The following C2orf76 variants were observed in gnomAD, a reference collection of about 807,000 sequenced individuals.
The protein encoded by C2orf76 is UPF0538 protein C2orf76.
A neutral mutation model predicts 16.9 loss-of-function variants in C2orf76; 23 were observed. That is an observed-to-expected ratio of 1.36 (90% CI 0.98 to 1.93). C2orf76 has a LOEUF of 1.93. C2orf76 is among the 30% of genes most tolerant of loss of function. C2orf76 has a pLI of 0.00. For synonymous variants in C2orf76, 48 were observed against 52.3 expected (o/e 0.92, Z 0.35); for missense variants, 152 against 152.6 (o/e 1.00, Z 0.02).
chr2:119,352,894 T>C (rs1680448349), intron 1 of C2orf76, among the ~76,000 whole-genome samples: 1 of 152,184 alleles, frequency 6.6e-6, no homozygotes, highest in South Asian at 2.1e-4. Context: ...CCTCAAGATT[T>C]AGGAACCAGT....
chr2:119,350,964 G>A (rs1388330018), intron 1 of C2orf76, among the ~76,000 whole-genome samples: 5 of 152,132 alleles, frequency 3.3e-5, no homozygotes, highest in Non-Finnish European at 5.9e-5. Context: ...ATGTTACACT[G>A]ATCTCTGTCA....
chr2:119,366,844 T>C, upstream of C2orf76: 2 of 644,398 alleles, frequency 3.1e-6, no homozygotes, highest in South Asian at 2.0e-5. Flanking sequence ...CGGTCCCACG[T>C]GGGCTCGGGC....
chr2:119,284,303 C>T, the C2orf76 span, among the ~76,000 whole-genome samples: 1 of 152,146 alleles, frequency 6.6e-6, no homozygotes, highest in Admixed American at 6.5e-5. Context: ...GGCCGACACC[C>T]CAATATTCAA....
chr2:119,308,893 T>C (rs1319389993), intron 5 of C2orf76, among the ~76,000 whole-genome samples: 2 of 152,204 alleles, frequency 1.3e-5, no homozygotes, highest in Non-Finnish European at 2.9e-5. Context: ...CAAGGTCATA[T>C]TCATTCCCGA....
intron 4 of C2orf76, among the ~76,000 whole-genome samples, chr2:119,313,883 G>A (rs879290270): frequency 3.3e-5 from 5 of 152,048 alleles, no homozygotes; most frequent in Non-Finnish European, 7.4e-5. Context: ...ATTTTTTAAT[G>A]GAATTGTAGG....
At chr2:119,362,178 A>T (rs1378094349) in intron 1 of C2orf76, among the ~76,000 whole-genome samples, 1 of 152,236 alleles carries the variant, frequency 6.6e-6, no homozygotes, top group African/African-American at 2.4e-5. Flanking sequence ...TTGTGATTCT[A>T]GTAACATTCT....
chr2:119,297,740 A>C (rs1678561655), downstream of C2orf76, among the ~76,000 whole-genome samples: 1 of 151,790 alleles, frequency 6.6e-6, no homozygotes, highest in South Asian at 2.1e-4. Context: ...TCAAATGATC[A>C]CTGGCCTCGG....
At chr2:119,291,684 C>T in the C2orf76 span, among the ~76,000 whole-genome samples, 6 of 152,104 alleles carry the variant, frequency 3.9e-5, no homozygotes, top group South Asian at 4.2e-4. Flanking sequence ...GGGCAGCAGC[C>T]GGACACCCCT....
chr2:119,317,379 G>T, intron 4 of C2orf76, 87 bp downstream of exon 4: 1 of 889,896 alleles, frequency 1.1e-6, no homozygotes, highest in Non-Finnish European at 1.6e-6. Context: ...AAATATTTTA[G>T]ATGTACATGT....
upstream of C2orf76, chr2:119,366,851 G>C: frequency 3.0e-6 from 2 of 672,106 alleles, no homozygotes; most frequent in South Asian, 2.0e-5. Flanking sequence ...ACGTGGGCTC[G>C]GGCGGGGCTA....
the C2orf76 span, among the ~76,000 whole-genome samples, chr2:119,286,884 G>A: frequency 6.6e-6 from 1 of 152,194 alleles, no homozygotes; most frequent in African/African-American, 2.4e-5. Flanking sequence ...GCTGACTTCT[G>A]TTGAGGAGGT....
the C2orf76 span, among the ~76,000 whole-genome samples, chr2:119,294,650 G>C: frequency 6.6e-6 from 1 of 152,150 alleles, no homozygotes; most frequent in South Asian, 2.1e-4. Flanking sequence ...GAAGACAGCA[G>C]CTGGGAGTGA....
chr2:119,302,359 A>G lies in C2orf76; in HGVS notation c.*113T>C. ...GAAAGAAATAACCAGATTTTAGCTCAAAGAGTATAGCCTGGGATTAATTTT... is the reference window on the plus strand; with the variant it reads ...GAAAGAAATAACCAGATTTTAGCTCGAAGAGTATAGCCTGGGATTAATTTT... On this transcript the variant is annotated 3_prime_UTR_variant, in exon 6 of 6. Coordinates refer to ENST00000334816, the MANE Select transcript of C2orf76 (RefSeq NM_001322331.2). 2.1e-6 allele frequency: 1 copy of G among 486,140 alleles called. No homozygotes were observed. The highest frequency in any genetic ancestry group is 3.8e-6 in the Non-Finnish European group (1 of 263,596). The allele number at this position is 486,140 out of a possible 1,614,324, so 30.1% of individuals were successfully genotyped here.
intron 4 of C2orf76, among the ~76,000 whole-genome samples, chr2:119,315,006 G>C (rs1468001355): frequency 1.3e-5 from 2 of 152,160 alleles, no homozygotes; most frequent in African/African-American, 4.8e-5. Flanking sequence ...TGTGTGGTGA[G>C]GGGTGAGGAA....
rs550617432 is a variant in C2orf76, at chr2:119,323,621, T to G, written c.134-2417A>C. ...ACGGTAGGCTGGTCCCAGGCAGAGA[T>G]ATTTAAACACAAAACAAAACAAAAC... On this transcript the variant is annotated intron_variant, in intron 2 of 5. Coordinates refer to ENST00000334816, the MANE Select transcript of C2orf76 (RefSeq NM_001322331.2). Among the ~76,000 whole-genome samples the G allele has an allele frequency of 2.6e-5, 4 of 152,136 alleles. No homozygotes were observed. The East Asian group carries it at 7.7e-4, about 29-fold the overall frequency.
At chr2:119,350,584 C>T (rs1224355079) in intron 1 of C2orf76, among the ~76,000 whole-genome samples, 3 of 152,238 alleles carry the variant, frequency 2.0e-5, no homozygotes, top group Non-Finnish European at 2.9e-5. Flanking sequence ...ACCACTGCAT[C>T]AGAGCAGCCC....
Position 119,339,901 on chromosome 2 carries a change from T to C in C2orf76, c.59A>G (p.Asn20Ser), listed in dbSNP as rs1679970667. 12 of 1,613,186 alleles carry C rather than the reference T, an allele frequency of 7.4e-6. No individual in the cohort carries two copies. The highest frequency in any genetic ancestry group is 9.3e-6 in the Non-Finnish European group (11 of 1,179,282). The change falls in exon 2 of 6, where the codon AAT (asparagine) becomes AGT (serine). Residue 20 changes from asparagine (N) to serine (S), a missense_variant. By Grantham distance (46) the Asn-to-Ser change is conservative. Coordinates refer to ENST00000334816, the MANE Select transcript of C2orf76 (RefSeq NM_001322331.2). Reference sequence around the variant, plus strand: ...TCCGTGATACACTACAGGTTTGAAATTGCGATGTTCAAAGGAACGGATGAG... The same window carrying C: ...TCCGTGATACACTACAGGTTTGAAACTGCGATGTTCAAAGGAACGGATGAG... ...VRLIRSFEHR[N>S]FKPVVYHGVN...
In C2orf76 at chr2:119,339,971, C is replaced by G. The variant is rs752215665; in HGVS notation, c.-12G>C. 2.6e-5 allele frequency: 42 copies of G among 1,606,328 alleles called. No individual in the cohort carries two copies. Among genetic ancestry groups the G allele is most frequent in the Non-Finnish European group, 3.6e-5 (42 of 1,173,734 alleles). ...TCTCCAGGAGCCATGTGAAGAAATT[C>G]CTGTGGCAAGAGACATGAGAACCAT... is the stretch of plus-strand genomic sequence containing the variant. On this transcript the variant is annotated splice_region_variant and 5_prime_UTR_variant, in exon 2 of 6. Transcript: ENST00000334816.
chr2:119,360,582 C>T (rs1026052626), intron 1 of C2orf76, among the ~76,000 whole-genome samples: 2 of 151,550 alleles, frequency 1.3e-5, no homozygotes, highest in Non-Finnish European at 2.9e-5. Flanking sequence ...CTTGTATATG[C>T]ACTGGAAAAC....
Sources: allele counts gnomAD v4.1 joint callset (sites outside exome capture counted in the v4.1 genomes callset), GRCh38; gene constraint gnomAD v4.1.1; transcripts MANE v1.5; gene names NCBI Gene and HGNC (gene_info 2026-07-23, HGNC 2026-07-21).